SCAMP2: variants seen among roughly 807,000 people sequenced by gnomAD.
The protein encoded by SCAMP2 is secretory carrier-associated membrane protein 2.
In SCAMP2, 25 loss-of-function variants were observed where a neutral mutation model predicts 44.1. The ratio of observed to expected loss-of-function variants is 0.57; its 90% CI spans 0.41 to 0.79. The LOEUF (loss-of-function observed/expected upper bound fraction) is 0.79, where lower values mean the gene tolerates loss of function less well. SCAMP2 is among the 30% of genes least tolerant of loss of function. The probability of loss-of-function intolerance (pLI) is 0.00; values close to 1 mark genes in which losing one functional copy is unlikely to be tolerated. For missense variants in SCAMP2, 355 were observed against 411.0 expected (o/e 0.86, Z 1.18); for synonymous variants, 156 against 166.0 (o/e 0.94, Z 0.46).
chr15:74,846,694 G>C (rs931675659), intron 7 of SCAMP2, among the ~76,000 whole-genome samples: 7 of 152,200 alleles, frequency 4.6e-5, no homozygotes, highest in Non-Finnish European at 1.0e-4. Context: ...GAACCTGGGA[G>C]GCGGAGCTTG....
rs1228010829 is a variant in SCAMP2, at chr15:74,851,449, A to C, written c.376T>G (p.Trp126Gly). The change falls in exon 5 of 9, where the codon TGG becomes GGG. Residue 126 changes from tryptophan to glycine, a missense_variant. By Grantham distance (184) the Trp-to-Gly change is radical. Coordinates refer to ENST00000268099, the MANE Select transcript of SCAMP2 (RefSeq NM_005697.5). Reference sequence around the variant, plus strand: ...TAGAAGCAGGGCTTCACAGGGCACCACGAGGGCAGAGGGGGCCAGTTGTTC... The same window carrying C: ...TAGAAGCAGGGCTTCACAGGGCACCCCGAGGGCAGAGGGGGCCAGTTGTTC... ...RQNNWPPLPS[W>G]CPVKPCFYQD... The C allele has an allele frequency of 1.2e-6, 2 of 1,614,018 alleles. No homozygotes were observed. The highest frequency in any genetic ancestry group is 3.3e-5 in the Admixed American group (2 of 60,012).
intron 4 of SCAMP2, 179 bp downstream of exon 4, chr15:74,851,890 A>G (rs185359948): frequency 4.1e-4 from 208 of 504,368 alleles, no homozygotes; most frequent in Non-Finnish European, 9.1e-5. Context: ...TTACAACTAC[A>G]CTGCAGGTCT....
intron 1 of SCAMP2, among the ~76,000 whole-genome samples, chr15:74,864,824 C>T (rs1253927059): frequency 2.6e-5 from 4 of 152,086 alleles, no homozygotes; most frequent in Admixed American, 6.6e-5. Context: ...CAGTGGCTCA[C>T]GCCTGTAATC....
intron 2 of SCAMP2, among the ~76,000 whole-genome samples, chr15:74,854,344 C>A (rs1252250359): frequency 2.0e-5 from 3 of 152,256 alleles, no homozygotes; most frequent in African/African-American, 4.8e-5. Context: ...CACACTTGGG[C>A]ACTGCCCTGA....
chr15:74,854,767 A>C, intron 1 of SCAMP2, 118 bp from the exon 2 acceptor site: 2 of 851,010 alleles, frequency 2.4e-6, no homozygotes, highest in Admixed American at 2.3e-5. Context: ...CGGGACCCTG[A>C]GAAGCCTCTC....
intron 3 of SCAMP2, chr15:74,852,554 A>C: frequency 5.8e-6 from 1 of 172,808 alleles, no homozygotes; most frequent in Non-Finnish European, 1.2e-5. Context: ...CTAAACTATA[A>C]TAAGAAACCC....
Position 74,873,327 on chromosome 15 carries a change from G to C in SCAMP2, c.-72C>G, listed in dbSNP as rs532440677. ...GGGCACCCAGACCCAGCGGCGCTTC[G>C]TGTAGACCCTCCACTTCCGGGAGCG... On this transcript the variant is annotated 5_prime_UTR_variant, in exon 1 of 9. Transcript: ENST00000268099. 43 of 1,348,824 alleles carry C rather than the reference G, an allele frequency of 3.2e-5. No homozygotes were observed. In the African/African-American group the frequency reaches 5.3e-4, roughly 17 times the overall value. 83.6% of individuals were successfully genotyped at this position (1,348,824 alleles called of 1,614,324 possible).
Position 74,854,666 on chromosome 15 carries a change from A to T in SCAMP2, c.58-17T>A. ...AGAGGGATCCTGAGAAGGTGAAAAA[A>T]AGCCCTTAGACACAGTGGAGAAAAT... is the stretch of plus-strand genomic sequence containing the variant. On this transcript the variant is annotated splice_polypyrimidine_tract_variant and intron_variant, in intron 1 of 8. Transcript: ENST00000268099. 6.2e-7 allele frequency: 1 copy of T among 1,601,702 alleles called. No homozygotes were observed.
chr15:74,848,068 T>C (rs2064411242), intron 7 of SCAMP2, among the ~76,000 whole-genome samples: 1 of 144,470 alleles, frequency 6.9e-6, no homozygotes, highest in Admixed American at 6.8e-5. Flanking sequence ...GAAGATAGTG[T>C]CTTTTTTTTT....
intron 3 of SCAMP2, chr15:74,853,742 C>T (rs2141173866): frequency 1.9e-6 from 1 of 518,642 alleles, no homozygotes; most frequent in South Asian, 2.1e-5. Flanking sequence ...AGGGGTACAA[C>T]AGGGACAAAT....
intron 1 of SCAMP2, among the ~76,000 whole-genome samples, chr15:74,862,877 C>T (rs1370402104): frequency 6.8e-6 from 1 of 147,500 alleles, no homozygotes; most frequent in Non-Finnish European, 1.5e-5. Context: ...CACACACACA[C>T]ACACACACAC....
At chr15:74,861,664 C>T (rs568905354) in intron 1 of SCAMP2, among the ~76,000 whole-genome samples, 15 of 151,982 alleles carry the variant, frequency 9.9e-5, no homozygotes, top group African/African-American at 1.7e-4. Flanking sequence ...TTTGGGAGGC[C>T]AAGGTGGGCA....
At chr15:74,858,847 CTG>C (rs2064484118) in intron 1 of SCAMP2, among the ~76,000 whole-genome samples, 1 of 124,430 alleles carries the variant, frequency 8.0e-6, no homozygotes, top group Non-Finnish European at 1.6e-5. Flanking sequence ...GAGTCTTGCT[CTG>C]TTACCCAGGC....
At position 74,866,798 on chromosome 15, in the gene SCAMP2, CTTTTTTTTTTTT is replaced by C. The variant is rs112929950; in HGVS notation, c.57+6389_57+6400del. 1.0e-4 allele frequency among the ~76,000 whole-genome samples: 12 copies of C among 119,662 alleles called. No individual in the cohort carries two copies. In the East Asian group the frequency reaches 2.9e-3, roughly 28 times the overall value. The allele number at this position is 119,662 out of a possible 152,430, so 78.5% of individuals were successfully genotyped here. ...CTCTCAGTGAGCATTTATTTTCTTT[CTTTTTTTTTTTT>C]TTTTGAGATGGAGTCTCGCTCTGTC... On this transcript the variant is annotated intron_variant, in intron 1 of 8. Transcript: ENST00000268099.
chr15:74,853,376 G>A (rs1296843882), intron 3 of SCAMP2: 8 of 456,200 alleles, frequency 1.8e-5, no homozygotes, highest in Admixed American at 1.2e-4. Flanking sequence ...ACCTTCGGAA[G>A]CTTTCGCATG....
At position 74,854,089 on chromosome 15, in the gene SCAMP2, G is replaced by C. The variant is rs1356370715; in HGVS notation, c.157C>G (p.Gln53Glu). 6.2e-7 allele frequency: 1 copy of C among 1,614,054 alleles called. No individual in the cohort carries two copies. The highest frequency in any genetic ancestry group is 1.3e-5 in the African/African-American group (1 of 74,938). Residue 53 changes from glutamine (Q) to glutamate (E), a missense_variant, in exon 3 of 9, where the codon CAA (glutamine) becomes GAA (glutamate). Gln to Glu is a conservative substitution (Grantham distance 29). Transcript: ENST00000268099. ...GCTGGCTGTGAGGACCCAGGGAGTTGGGTGACAGGAACTGTTGTCGCTGCA... is the reference window on the plus strand; with the variant it reads ...GCTGGCTGTGAGGACCCAGGGAGTTCGGTGACAGGAACTGTTGTCGCTGCA... Reference protein sequence around the residue: ...TNAATTVPVTQLPGSSQPAVL... With the variant: ...TNAATTVPVTELPGSSQPAVL...
intron 1 of SCAMP2, 90 bp downstream of exon 1, chr15:74,873,109 G>C (rs1393251389): frequency 8.5e-7 from 1 of 1,173,764 alleles, no homozygotes; most frequent in Non-Finnish European, 1.1e-6. Flanking sequence ...TCCCTCCTAC[G>C]CCACGTCTCC....
chr15:74,869,857 G>A (rs145881802), intron 1 of SCAMP2, among the ~76,000 whole-genome samples: 3 of 152,260 alleles, frequency 2.0e-5, no homozygotes, highest in African/African-American at 7.2e-5. Flanking sequence ...TCTCTCCTGA[G>A]CTTGGTGCCA....
chr15:74,854,179 G>T, intron 2 of SCAMP2, 60 bp from the exon 3 acceptor site: 1 of 1,456,022 alleles, frequency 6.9e-7, no homozygotes, highest in African/African-American at 1.4e-5. Flanking sequence ...GTGACGAGGG[G>T]GCAAACCCAC....
Sources: allele counts gnomAD v4.1 joint callset (sites outside exome capture counted in the v4.1 genomes callset), GRCh38; gene constraint gnomAD v4.1.1; transcripts MANE v1.5; gene names NCBI Gene and HGNC (gene_info 2026-07-23, HGNC 2026-07-21).